Variants in CATSPERE observed in about 807,000 individuals in gnomAD.
CATSPERE encodes cation channel sperm-associated auxiliary subunit epsilon.
CATSPERE carries 93 observed loss-of-function variants against 114.1 expected under a neutral mutation model. That is an observed-to-expected ratio of 0.81 (90% CI 0.69 to 0.97). The LOEUF is 0.97. Among genes scored for constraint, CATSPERE ranks in the 50% least tolerant of loss-of-function variants. The pLI is 0.00. For synonymous variants in CATSPERE, 341 were observed against 384.1 expected (o/e 0.89, Z 1.31); for missense variants, 1,058 against 1,131.6 (o/e 0.93, Z 0.93).
chr1:244,507,968 A>G (rs1189022464), intron 7 of CATSPERE, among the ~76,000 whole-genome samples: 1 of 152,096 alleles, frequency 6.6e-6, no homozygotes, highest in African/African-American at 2.4e-5. Context: ...TTGTGGTTCC[A>G]TATGAATTTT....
intron 1 of CATSPERE, among the ~76,000 whole-genome samples, chr1:244,455,906 GA>G (rs1479351344): frequency 2.0e-5 from 3 of 152,192 alleles, no homozygotes; most frequent in Admixed American, 2.0e-4. Flanking sequence ...TGACGGTTTT[GA>G]GTTTTAGGGG....
chr1:244,611,884 G>T (rs1353390547), intron 19 of CATSPERE, among the ~76,000 whole-genome samples: 1 of 152,128 alleles, frequency 6.6e-6, no homozygotes, highest in African/African-American at 2.4e-5. Context: ...TGGTACAATG[G>T]TTCTCAAACT....
At chr1:244,576,808 A>G (rs1170220865) in intron 11 of CATSPERE, among the ~76,000 whole-genome samples, 1 of 152,182 alleles carries the variant, frequency 6.6e-6, no homozygotes, top group Non-Finnish European at 1.5e-5. Flanking sequence ...ATACAATGGA[A>G]TGGAAGTGGT....
In CATSPERE at chr1:244,515,352, C is replaced by T. The variant is rs1224640425; in HGVS notation, c.430-3240C>T. Reference sequence around the variant, plus strand: ...GGTGAGATTTTTTTCATTATTTGTTCAACAAATATTTATAAATGCAGGTTT... The same window carrying T: ...GGTGAGATTTTTTTCATTATTTGTTTAACAAATATTTATAAATGCAGGTTT... On this transcript the variant is annotated intron_variant, in intron 7 of 21. Transcript: ENST00000366534. 6.2e-6 allele frequency: 6 copies of T among 968,814 alleles called. No homozygotes were observed. The African/African-American group carries it at 1.1e-4, about 17-fold the overall frequency. The allele number at this position is 968,814 out of a possible 1,614,324, so 60.0% of individuals were successfully genotyped here. A position where few individuals can be genotyped will look rare whatever the true frequency, so the allele number is the denominator to read the frequency against.
At chr1:244,521,794 C>T (rs181373624) in intron 8 of CATSPERE, among the ~76,000 whole-genome samples, 79 of 152,242 alleles carry the variant, frequency 5.2e-4, no homozygotes, top group African/African-American at 1.8e-3. Context: ...GAATACATGA[C>T]CTGATGTTCA....
chr1:244,509,217 T>C (rs555520531), intron 7 of CATSPERE, among the ~76,000 whole-genome samples: 39 of 152,234 alleles, frequency 2.6e-4, no homozygotes, highest in African/African-American at 7.0e-4. Flanking sequence ...GTCTGTGATA[T>C]ATGGCTTTTA....
At chr1:244,595,280 T>C (rs909323899) in intron 17 of CATSPERE, among the ~76,000 whole-genome samples, 1 of 152,024 alleles carries the variant, frequency 6.6e-6, no homozygotes, top group African/African-American at 2.4e-5. Context: ...GCAGTGTGGG[T>C]GGATAGTATT....
intron 7 of CATSPERE, among the ~76,000 whole-genome samples, chr1:244,500,936 A>G (rs1306290872): frequency 2.0e-5 from 3 of 152,234 alleles, no homozygotes; most frequent in Admixed American, 6.5e-5. Context: ...TACTGCTGGC[A>G]GTATGGCCAT....
At chr1:244,491,479 A>G (rs1317400723) in intron 6 of CATSPERE, among the ~76,000 whole-genome samples, 1 of 152,154 alleles carries the variant, frequency 6.6e-6, no homozygotes, top group Non-Finnish European at 1.5e-5. Flanking sequence ...CTAAATGCCC[A>G]CAAGAGAAAG....
rs188349574 is a variant in CATSPERE at position 244,495,122 on chromosome 1, G to A, written c.352-3880G>A. Among the ~76,000 whole-genome samples, 405 of 152,116 alleles carry A rather than the reference G, an allele frequency of 2.7e-3. 4 individuals are homozygous for A. The highest frequency in any genetic ancestry group is 2.5e-3 in the Admixed American group (38 of 15,260). ...AGTACACACACTCACAGACCTTTAC[G>A]TTAATATAGGTGCGGTGTGCATATG... On this transcript the variant is annotated intron_variant, in intron 6 of 21. Coordinates refer to ENST00000366534, the MANE Select transcript of CATSPERE (RefSeq NM_001130957.2).
chr1:244,603,169 G>A (rs1669507473), intron 17 of CATSPERE, among the ~76,000 whole-genome samples: 1 of 152,086 alleles, frequency 6.6e-6, no homozygotes, highest in Non-Finnish European at 1.5e-5. Context: ...CATAGGCAGG[G>A]GCTCCTGGAA....
At chr1:244,557,565 A>G (rs1572738036) in intron 9 of CATSPERE, among the ~76,000 whole-genome samples, 1 of 85,854 alleles carries the variant, frequency 1.2e-5, no homozygotes, top group Non-Finnish European at 2.2e-5. Flanking sequence ...ATATATATAT[A>G]TATATATATA....
At chr1:244,576,057 T>C (rs1388574925) in intron 11 of CATSPERE, among the ~76,000 whole-genome samples, 1 of 152,114 alleles carries the variant, frequency 6.6e-6, no homozygotes, top group Non-Finnish European at 1.5e-5. Context: ...CTTTCCTTAG[T>C]CCTGACCACC....
At chr1:244,621,821 A>G (rs1298535501) in intron 20 of CATSPERE, among the ~76,000 whole-genome samples, 5 of 152,222 alleles carry the variant, frequency 3.3e-5, no homozygotes, top group Admixed American at 3.3e-4. Flanking sequence ...CAGCTTAACT[A>G]AAAACTCAAT....
chr1:244,625,026 C>T (rs1466706208), intron 20 of CATSPERE, among the ~76,000 whole-genome samples: 1 of 152,084 alleles, frequency 6.6e-6, no homozygotes, highest in Non-Finnish European at 1.5e-5. Context: ...TTCTTCCAAA[C>T]TCCTGCTAAT....
chr1:244,568,376 C>T lies in CATSPERE; in HGVS notation c.1508-3954C>T, dbSNP rs6692829. On this transcript the variant is annotated intron_variant, in intron 10 of 21. Transcript: ENST00000366534. This position sits in a 1 kb window ranked among gnomAD's most constrained non-coding sequence, Gnocchi z 4.4. Reference sequence around the variant, plus strand: ...CTTAGCAGAGCTTGAGGGCTGTGCTCGGAGACCCACTGCTTCTTCAGAGCT... The same window carrying T: ...CTTAGCAGAGCTTGAGGGCTGTGCTTGGAGACCCACTGCTTCTTCAGAGCT... Among the ~76,000 whole-genome samples, 9,311 of 152,222 alleles carry T rather than the reference C, an allele frequency of 0.061. 969 individuals are homozygous for T. The highest frequency in any genetic ancestry group is 0.21 in the African/African-American group (8,803 of 41,502).
chr1:244,481,642 T>C (rs2148170930), intron 5 of CATSPERE, among the ~76,000 whole-genome samples: 1 of 152,242 alleles, frequency 6.6e-6, no homozygotes, highest in East Asian at 1.9e-4. Flanking sequence ...CCCAAATTTT[T>C]ATGCTGAAAC....
chr1:244,602,890 G>T (rs1330799221), intron 17 of CATSPERE, among the ~76,000 whole-genome samples: 2 of 152,148 alleles, frequency 1.3e-5, no homozygotes, highest in Non-Finnish European at 2.9e-5. Flanking sequence ...GAAACTGGGG[G>T]CAAGGCATGC....
In CATSPERE at chr1:244,640,186, C is replaced by CTTG. The variant is rs1553397747; in HGVS notation, c.*106_*107insTGT. ...TTGACCAAGAAATACTAAATATAAG[C>CTTG]TCGTAGTAGGCATCACCAAATTCAA... On this transcript the variant is annotated 3_prime_UTR_variant, in exon 22 of 22. Coordinates refer to ENST00000366534, the MANE Select transcript of CATSPERE (RefSeq NM_001130957.2). The CTTG allele has an allele frequency of 2.9e-6, 2 of 678,436 alleles. No individual in the cohort carries two copies. Among genetic ancestry groups the CTTG allele is most frequent in the Non-Finnish European group, 4.4e-6 (2 of 452,234 alleles). The allele number at this position is 678,436 out of a possible 1,614,324, so 42.0% of individuals were successfully genotyped here.
Sources: allele counts gnomAD v4.1 joint callset (sites outside exome capture counted in the v4.1 genomes callset), GRCh38; gene constraint gnomAD v4.1.1; non-coding constraint Gnocchi (gnomAD v3.1); transcripts MANE v1.5; gene names NCBI Gene and HGNC (gene_info 2026-07-23, HGNC 2026-07-21).